The following PAK1IP1 variants were observed in gnomAD, a reference collection of about 807,000 sequenced individuals.
The protein encoded by PAK1IP1 is PAK1 interacting protein 1, also known as p21-activated protein kinase-interacting protein 1.
Under a neutral mutation model 42.0 loss-of-function variants are expected in PAK1IP1, and 24 were observed. The ratio of observed to expected loss-of-function variants is 0.57; its 90% CI spans 0.41 to 0.80. PAK1IP1 has a LOEUF of 0.80. PAK1IP1 is among the 30% of genes least tolerant of loss of function. The probability of loss-of-function intolerance (pLI) is 0.00; values close to 1 mark genes in which losing one functional copy is unlikely to be tolerated. For missense variants in PAK1IP1, 411 were observed against 467.9 expected, an observed-to-expected ratio of 0.88 and a Z score of 1.12; for synonymous variants, 154 against 156.7, an observed-to-expected ratio of 0.98 and a Z score of 0.13.
At chr6:10,692,234 A>C (rs1263344932), upstream of PAK1IP1, among the ~76,000 whole-genome samples, 1 of 152,182 alleles carries the variant, frequency 6.6e-6, no homozygotes, top group Non-Finnish European at 1.5e-5. Context: ...AAAATGCATA[A>C]AGGCACATTT....
chr6:10,707,320 CA>C, intron 7 of PAK1IP1, 94 bp from the exon 8 acceptor site: 2 of 756,940 alleles, frequency 2.6e-6, no homozygotes, highest in Non-Finnish European at 4.7e-6. Context: ...ATACTTGAAA[CA>C]TTGAGAAAGC....
chr6:10,697,285 G>A (rs371916619), intron 1 of PAK1IP1, 39 bp from the exon 2 acceptor site: 7 of 1,578,786 alleles, frequency 4.4e-6, no homozygotes, highest in Non-Finnish European at 5.2e-6. Context: ...TAGAACTGTG[G>A]TGTGACTGGC....
At chr6:10,707,595 A>G in intron 8 of PAK1IP1, 81 bp downstream of exon 8, 1 of 812,300 alleles carries the variant, frequency 1.2e-6, no homozygotes, top group Non-Finnish European at 2.1e-6. Flanking sequence ...AAGGGTCATA[A>G]GACATAGGTC....
chr6:10,704,670 AT>A lies in PAK1IP1; in HGVS notation c.642+20del, dbSNP rs756592596. 1 of 1,611,402 alleles carries A rather than the reference AT, an allele frequency of 6.2e-7. No individual in the cohort carries two copies. The highest frequency in any genetic ancestry group is 8.5e-7 in the Non-Finnish European group (1 of 1,177,794). The stretch of plus-strand genomic sequence containing the variant: ...TTCTTTCAGTAAGTAATCAGAAATC[AT>A]TGACCAAAGTTTGTGGTGATGGTTG... On this transcript the variant is annotated intron_variant, in intron 6 of 9. Coordinates refer to ENST00000379568, the MANE Select transcript of PAK1IP1 (RefSeq NM_017906.3).
Position 10,709,006 on chromosome 6 carries a change from T to C in PAK1IP1, c.894T>C (p.Cys298=). 6.2e-7 allele frequency: 1 copy of C among 1,612,852 alleles called. No individual in the cohort carries two copies. The highest frequency in any genetic ancestry group is 8.5e-7 in the Non-Finnish European group (1 of 1,178,810). The change falls in exon 9 of 10, where the codon TGT becomes TGC. Residue 298 remains cysteine (C), a synonymous_variant. Coordinates refer to ENST00000379568, the MANE Select transcript of PAK1IP1 (RefSeq NM_017906.3). ...CEINTNARLT[C]LGVWLDKVAD... ...TAAACACTAATGCCAGGCTGACGTGTCTTGGAGTGTGGCTAGACAAAGTGG... is the reference window on the plus strand; with the variant it reads ...TAAACACTAATGCCAGGCTGACGTGCCTTGGAGTGTGGCTAGACAAAGTGG...
upstream of PAK1IP1, among the ~76,000 whole-genome samples, chr6:10,691,919 T>A (rs2127473660): frequency 6.6e-6 from 1 of 152,310 alleles, no homozygotes; most frequent in African/African-American, 2.4e-5. Context: ...CCAACTATAT[T>A]CTAAAATTCC....
At chr6:10,699,159 C>T (rs1458673932) in intron 2 of PAK1IP1, among the ~76,000 whole-genome samples, 8 of 147,014 alleles carry the variant, frequency 5.4e-5, no homozygotes, top group Non-Finnish European at 1.0e-4. Context: ...TGAGACTGTG[C>T]CACTGCACTC....
intron 1 of PAK1IP1, among the ~76,000 whole-genome samples, chr6:10,696,246 T>C (rs1412562096): frequency 6.6e-6 from 1 of 152,152 alleles, no homozygotes; most frequent in Non-Finnish European, 1.5e-5. Flanking sequence ...CTACATTATG[T>C]GAATTTTAAA....
intron 8 of PAK1IP1, among the ~76,000 whole-genome samples, chr6:10,708,527 T>G (rs559393469): frequency 1.4e-4 from 21 of 149,340 alleles, no homozygotes; most frequent in East Asian, 7.7e-4. Flanking sequence ...TGGATATATG[T>G]TTTTTTTTCT....
At chr6:10,699,384 C>G (rs1211856344) in intron 2 of PAK1IP1, among the ~76,000 whole-genome samples, 1 of 151,980 alleles carries the variant, frequency 6.6e-6, no homozygotes, top group Non-Finnish European at 1.5e-5. Flanking sequence ...TGGAACAGCT[C>G]TATGTGGTAA....
chr6:10,695,095 G>C, intron 1 of PAK1IP1, 26 bp downstream of exon 1: 1 of 1,502,960 alleles, frequency 6.7e-7, no homozygotes, highest in South Asian at 1.1e-5. Context: ...GTTAGAGACA[G>C]TCGGAGGCGG....
At position 10,704,822 on chromosome 6, in the gene PAK1IP1, G is replaced by A. The variant is rs1175682038; in HGVS notation, c.718G>A (p.Glu240Lys). ...FDCDSLVCLC[E>K]FKAHENRVKD... ...CTGTGATTCACTAGTGTGCCTCTGC[G>A]AATTTAAAGCTCATGAAAACAGGTA... The change falls in exon 7 of 10, where the codon GAA (glutamate) becomes AAA (lysine). Residue 240 changes from glutamate to lysine, a missense_variant. Glu to Lys is a moderately conservative substitution (Grantham distance 56). Transcript: ENST00000379568. The A allele has an allele frequency of 1.4e-5, 23 of 1,610,882 alleles. No individual in the cohort carries two copies. Among genetic ancestry groups the A allele is most frequent in the African/African-American group, 8.0e-5 (6 of 74,818 alleles).
In PAK1IP1 at chr6:10,702,195, A is replaced by G. The variant is rs60366032; in HGVS notation, c.248-174A>G. ...GCAGAGGTTGCAGTGGGATAAGATCATGCCATAGCACTTCAGCCTGGGTAA... is the reference window on the plus strand; with the variant it reads ...GCAGAGGTTGCAGTGGGATAAGATCGTGCCATAGCACTTCAGCCTGGGTAA... On this transcript the variant is annotated intron_variant, in intron 2 of 9. Coordinates refer to ENST00000379568, the MANE Select transcript of PAK1IP1 (RefSeq NM_017906.3). 5.7e-3 allele frequency among the ~76,000 whole-genome samples: 869 copies of G among 151,944 alleles called. 8 individuals are homozygous for G. Among genetic ancestry groups the G allele is most frequent in the African/African-American group, 0.02 (826 of 41,436 alleles).
chr6:10,699,577 T>G (rs1769965036), intron 2 of PAK1IP1, among the ~76,000 whole-genome samples: 1 of 152,186 alleles, frequency 6.6e-6, no homozygotes, highest in African/African-American at 2.4e-5. Flanking sequence ...AATTTTTTTC[T>G]TCAGTACCAA....
At chr6:10,702,282 T>C (rs1352739129) in intron 2 of PAK1IP1, 87 bp from the exon 3 acceptor site, 5 of 1,113,928 alleles carry the variant, frequency 4.5e-6, no homozygotes, top group Non-Finnish European at 6.6e-6. Context: ...ATTGAGTGTT[T>C]TACTTAGCAT....
At chr6:10,693,882 C>G (rs1304566953), upstream of PAK1IP1, among the ~76,000 whole-genome samples, 1 of 152,128 alleles carries the variant, frequency 6.6e-6, no homozygotes, top group Non-Finnish European at 1.5e-5. Flanking sequence ...GCGGGCGTCG[C>G]CATGCTGGGC....
intron 2 of PAK1IP1, among the ~76,000 whole-genome samples, chr6:10,698,977 G>A (rs959069018): frequency 1.3e-5 from 2 of 152,082 alleles, no homozygotes; most frequent in African/African-American, 4.8e-5. Flanking sequence ...GAGGTGGGCC[G>A]AGCGTGAGGT....
upstream of PAK1IP1, chr6:10,694,943 C>A: frequency 6.3e-6 from 8 of 1,265,592 alleles, no homozygotes; most frequent in Non-Finnish European, 7.8e-6. Context: ...TCTGTCACCT[C>A]CAGGCTGAGC....
chr6:10,693,306 C>G (rs966760134), upstream of PAK1IP1, among the ~76,000 whole-genome samples: 4 of 152,336 alleles, frequency 2.6e-5, no homozygotes, highest in Admixed American at 1.3e-4. Flanking sequence ...ATTGAGCACC[C>G]TTTCTGCATA....
Sources: gnomAD v4.1 joint callset for allele counts (sites outside exome capture counted in the v4.1 genomes callset) on GRCh38, gnomAD v4.1.1 for gene constraint, MANE v1.5 for transcripts, NCBI Gene and HGNC (gene_info 2026-07-23, HGNC 2026-07-21) for gene names.